Variants in LGMN observed in about 807,000 individuals in gnomAD.
The protein encoded by LGMN is legumain, also known as asparaginyl endopeptidase.
In LGMN, 36 loss-of-function variants were observed where a neutral mutation model predicts 56.8. The ratio of observed to expected loss-of-function variants is 0.63; its 90% CI spans 0.49 to 0.84. The LOEUF is 0.84. LGMN is among the 40% of genes least tolerant of loss of function. The probability of loss-of-function intolerance (pLI) is 0.00; values close to 1 mark genes in which losing one functional copy is unlikely to be tolerated. For missense variants in LGMN, 446 were observed against 556.1 expected (o/e 0.80, Z 1.99); for synonymous variants, 199 against 210.1 (o/e 0.95, Z 0.46).
intron 2 of LGMN, chr14:92,732,296 C>T (rs182082469): frequency 5.5e-4 from 125 of 226,990 alleles, no homozygotes; most frequent in African/African-American, 6.7e-4. Flanking sequence ...GTGTCATGGA[C>T]GCTGCTAAAC....
intron 1 of LGMN, among the ~76,000 whole-genome samples, chr14:92,739,446 T>A (rs1025673899): frequency 6.6e-6 from 1 of 152,082 alleles, no homozygotes; most frequent in African/African-American, 2.4e-5. Context: ...TCCTATCTAC[T>A]CTCTCCTACA....
At chr14:92,738,282 C>CT (rs1199624185) in intron 1 of LGMN, among the ~76,000 whole-genome samples, 405 of 142,028 alleles carry the variant, frequency 2.9e-3, no homozygotes, top group East Asian at 4.5e-3. Context: ...TTTTCTTTTT[C>CT]TTTTTTTTTT....
chr14:92,723,109 C>T (rs981198158), intron 2 of LGMN, among the ~76,000 whole-genome samples: 31 of 151,048 alleles, frequency 2.1e-4, no homozygotes, highest in African/African-American at 2.9e-4. Context: ...TGCAGTGGTG[C>T]GATCTCGGCT....
chr14:92,734,485 C>T (rs773988375), intron 1 of LGMN, among the ~76,000 whole-genome samples: 1 of 151,802 alleles, frequency 6.6e-6, no homozygotes, highest in Non-Finnish European at 1.5e-5. Flanking sequence ...ACTAAAAATA[C>T]AAAAATTAGC....
chr14:92,731,663 T>C (rs1368254121), intron 2 of LGMN, among the ~76,000 whole-genome samples: 1 of 152,252 alleles, frequency 6.6e-6, no homozygotes, highest in Non-Finnish European at 1.5e-5. Flanking sequence ...TCTTCTTACA[T>C]GAATAAATCA....
Position 92,709,932 on chromosome 14 carries a change from CAGAG to C in LGMN, c.820-64_820-61del, listed in dbSNP as rs976155927. On this transcript the variant is annotated intron_variant, in intron 10 of 13. Transcript: ENST00000334869. Reference sequence around the variant, plus strand: ...AAAGCGAGAGAGAGTGAGAGAAGGCCAGAGAGAGAGGGAGAGAGAGAGCTGGTTT... The same window carrying C: ...AAAGCGAGAGAGAGTGAGAGAAGGCCAGAGAGGGAGAGAGAGAGCTGGTTT... 3.6e-6 allele frequency: 5 copies of C among 1,396,224 alleles called. No homozygotes were observed. In the African/African-American group the frequency reaches 7.2e-5, roughly 20 times the overall value. The allele number at this position is 1,396,224 out of a possible 1,614,324, so 86.5% of individuals were successfully genotyped here.
At chr14:92,723,049 AT>A (rs770613815) in intron 2 of LGMN, among the ~76,000 whole-genome samples, 276 of 145,460 alleles carry the variant, frequency 1.9e-3, no homozygotes, top group Middle Eastern at 3.5e-3. Flanking sequence ...ACAAGTCTAA[AT>A]TTTTTTTTTT....
At chr14:92,704,917 G>A (rs893894554) in intron 12 of LGMN, 9 of 523,452 alleles carry the variant, frequency 1.7e-5, no homozygotes, top group Non-Finnish European at 3.2e-5. Flanking sequence ...CATGCAAGTT[G>A]GGGGGCTGGC....
chr14:92,732,991 A>G (rs1891129881), intron 1 of LGMN, among the ~76,000 whole-genome samples, 176 bp from the exon 2 acceptor site: 1 of 152,064 alleles, frequency 6.6e-6, no homozygotes, highest in South Asian at 2.1e-4. Context: ...TCTACTAAAA[A>G]TACAAAACTT....
intron 1 of LGMN, among the ~76,000 whole-genome samples, chr14:92,747,475 G>A (rs939672013): frequency 6.6e-6 from 1 of 152,206 alleles, no homozygotes; most frequent in African/African-American, 2.4e-5. Flanking sequence ...GGGCGACGGA[G>A]CGAGACTCCG....
At chr14:92,743,930 C>T (rs148973433) in intron 1 of LGMN, among the ~76,000 whole-genome samples, 2 of 151,706 alleles carry the variant, frequency 1.3e-5, no homozygotes, top group East Asian at 3.9e-4. Flanking sequence ...TTGAGGTGGG[C>T]GGATTACAAG....
At chr14:92,740,218 A>G (rs10139493) in intron 1 of LGMN, among the ~76,000 whole-genome samples, 44,531 of 152,138 alleles carry the variant, frequency 0.29, 7,071 homozygotes, top group African/African-American at 0.41. Flanking sequence ...ATTGCACTCC[A>G]GCCTGGGCAA....
chr14:92,712,945 C>A, intron 7 of LGMN, 74 bp from the exon 8 acceptor site: 1 of 1,357,666 alleles, frequency 7.4e-7, no homozygotes, highest in South Asian at 1.3e-5. Context: ...GGAGCTCTGC[C>A]CACTCTCTCT....
At chr14:92,739,833 G>A (rs1448679071) in intron 1 of LGMN, among the ~76,000 whole-genome samples, 2 of 152,342 alleles carry the variant, frequency 1.3e-5, no homozygotes, top group East Asian at 1.9e-4. Context: ...AAGGCAGATC[G>A]TAACGTGCCA....
chr14:92,736,472 T>A (rs1185713382), intron 1 of LGMN, among the ~76,000 whole-genome samples: 10 of 152,140 alleles, frequency 6.6e-5, no homozygotes, highest in Admixed American at 6.6e-4. Context: ...GGCGCACACC[T>A]GTAATCCCAG....
At chr14:92,731,692 A>G (rs1188284902) in intron 2 of LGMN, among the ~76,000 whole-genome samples, 3 of 152,244 alleles carry the variant, frequency 2.0e-5, no homozygotes, top group Non-Finnish European at 4.4e-5. Context: ...TTCTCCATTC[A>G]ACCTTTGATG....
intron 1 of LGMN, among the ~76,000 whole-genome samples, chr14:92,739,146 A>G (rs189364550): frequency 6.6e-6 from 1 of 152,226 alleles, no homozygotes. Flanking sequence ...TTGGCAATGA[A>G]CATGCCTCAA....
chr14:92,709,760 G>A lies in LGMN; in HGVS notation c.932C>T (p.Pro311Leu). The part of the protein sequence containing the change: ...HLDLTPSPDV[P>L]LTIMKRKLMN... ...CAGTTTCCTTTTCATGATGGTGAGA[G>A]GCACATCAGGGCTGGGGGTGAGGTC... is the stretch of plus-strand genomic sequence containing the variant. The change falls in exon 11 of 14, where the codon CCT becomes CTT. Residue 311 changes from proline (P) to leucine (L), a missense_variant. Transcript: ENST00000334869. 1 of 1,614,102 alleles carries A rather than the reference G, an allele frequency of 6.2e-7. No individual in the cohort carries two copies. The highest frequency in any genetic ancestry group is 1.1e-5 in the South Asian group (1 of 91,074).
rs1476864883 is a variant in LGMN at position 92,718,962 on chromosome 14, G to C, written c.139-118C>G. The C allele has an allele frequency of 1.6e-5, 10 of 617,794 alleles. No homozygotes were observed. In the East Asian group the frequency reaches 2.7e-4, roughly 17 times the overall value. The allele number at this position is 617,794 out of a possible 1,614,324, so 38.3% of individuals were successfully genotyped here. A position where few individuals can be genotyped will look rare whatever the true frequency, so the allele number is the denominator to read the frequency against. On this transcript the variant is annotated intron_variant, in intron 2 of 13. Coordinates refer to ENST00000334869, the MANE Select transcript of LGMN (RefSeq NM_005606.7). ...TACTGTGAATCATCCCGTCGGTCAG[G>C]CATTTAAATTATTATTTTAAAACAC...
Sources: allele counts gnomAD v4.1 joint callset (sites outside exome capture counted in the v4.1 genomes callset), GRCh38; gene constraint gnomAD v4.1.1; transcripts MANE v1.5; gene names NCBI Gene and HGNC (gene_info 2026-07-23, HGNC 2026-07-21).